DOCK9: variants seen among roughly 807,000 people sequenced by gnomAD.
DOCK9 encodes the protein dedicator of cytokinesis 9.
Under a neutral mutation model 263.3 loss-of-function variants are expected in DOCK9, and 89 were observed. That is an observed-to-expected ratio of 0.34 (90% CI 0.28 to 0.40). DOCK9 has a LOEUF of 0.40. DOCK9 is among the 10% of genes least tolerant of loss of function. The pLI is 1.00. For missense variants in DOCK9, 2,140 were observed against 2,603.4 expected, an observed-to-expected ratio of 0.82 and a Z score of 3.87; for synonymous variants, 976 against 973.1, an observed-to-expected ratio of 1.00 and a Z score of -0.06.
intron 27 of DOCK9, among the ~76,000 whole-genome samples, chr13:98,876,127 T>A (rs2043803737): frequency 6.6e-6 from 1 of 152,156 alleles, no homozygotes; most frequent in Admixed American, 6.5e-5. Flanking sequence ...GAAAGCACTA[T>A]CTGGCTGTTA....
Position 98,860,410 on chromosome 13 carries a change from C to A in DOCK9, c.3692G>T (p.Gly1231Val). ...ACAAGAGCATGGAGCGTTACCAATGCCGGAGATGGCGCCCAGCAGGTCCTT... is the reference window on the plus strand; with the variant it reads ...ACAAGAGCATGGAGCGTTACCAATGACGGAGATGGCGCCCAGCAGGTCCTT... Reference protein sequence around the residue: ...LHKDLLGAISGIASPYTTSTP... With the variant: ...LHKDLLGAISVIASPYTTSTP... The change falls in exon 33 of 53, where the codon GGC (glycine) becomes GTC (valine). Residue 1231 changes from glycine to valine, a missense_variant. Gly to Val is a moderately radical substitution (Grantham distance 109, BLOSUM62 -3). This residue lies in a region of DOCK9 where 1,521 missense variants were observed against 1,741.7 expected (regional missense o/e 0.87). Transcript: ENST00000682017. 1 of 1,584,122 alleles carries A rather than the reference C, an allele frequency of 6.3e-7. No homozygotes were observed. The highest frequency in any genetic ancestry group is 8.6e-7 in the Non-Finnish European group (1 of 1,163,792).
chr13:98,883,009 T>C (rs764443435), intron 23 of DOCK9, 33 bp downstream of exon 23: 3 of 1,587,414 alleles, frequency 1.9e-6, no homozygotes, highest in Non-Finnish European at 2.6e-6. Flanking sequence ...CCAAACTCAC[T>C]TAAAAGGGGA....
intron 33 of DOCK9, chr13:98,859,517 TAA>T (rs1218757026): frequency 6.6e-6 from 1 of 152,056 alleles, no homozygotes; most frequent in Non-Finnish European, 1.5e-5. Flanking sequence ...CCGGCAAAGG[TAA>T]AGACATAATC....
chr13:99,026,845 T>C (rs1469823230), intron 1 of DOCK9, among the ~76,000 whole-genome samples: 1 of 152,138 alleles, frequency 6.6e-6, no homozygotes, highest in African/African-American at 2.4e-5. Flanking sequence ...GAGATTTAAA[T>C]TTTAAATGTA....
Position 98,990,322 on chromosome 13 carries a change from A to C in DOCK9, c.130-34771T>G, listed in dbSNP as rs555309844. On this transcript the variant is annotated intron_variant, in intron 1 of 32. Transcript: ENST00000427887. ...CTTAATGTACTATTATTTTCCTTTT[A>C]AACAGAATCTGTTACTCAGACACTG... is the stretch of plus-strand genomic sequence containing the variant. Among the ~76,000 whole-genome samples the C allele has an allele frequency of 5.3e-4, 81 of 152,342 alleles. 1 individual carries two copies. Among genetic ancestry groups the C allele is most frequent in the African/African-American group, 1.7e-3 (71 of 41,580 alleles).
chr13:99,039,860 C>G lies in DOCK9; in HGVS notation c.129+46363G>C, dbSNP rs563826745. On this transcript the variant is annotated intron_variant, in intron 1 of 32. Coordinates refer to the DOCK9 transcript ENST00000427887. ...GTGGACAGCCCTGATTTGAGGAGTT[C>G]CAGCTCCACTTCTTACTGGCATGTA... Among the ~76,000 whole-genome samples, 4 of 152,290 alleles carry G rather than the reference C, an allele frequency of 2.6e-5. No individual in the cohort carries two copies. In the East Asian group the frequency reaches 7.7e-4, roughly 29 times the overall value.
rs552883212 is a variant in DOCK9, at chr13:98,984,157, CAAG to C, written c.130-28609_130-28607del. Among the ~76,000 whole-genome samples the C allele has an allele frequency of 3.5e-4, 53 of 152,268 alleles. 1 individual carries two copies. The highest frequency in any genetic ancestry group is 4.6e-4 in the Admixed American group (7 of 15,300). ...ATTGGAAGGTCCTTCACTCATAGAA[CAAG>C]GAGACCGAGGCCTGGAGTGAGGAGC... On this transcript the variant is annotated intron_variant, in intron 1 of 32. Transcript: ENST00000427887.
intron 21 of DOCK9, 151 bp downstream of exon 21, chr13:98,884,820 T>C (rs898109572): frequency 1.5e-5 from 15 of 1,000,774 alleles, no homozygotes; most frequent in African/African-American, 4.9e-5. Context: ...CTGTCTTCAA[T>C]TGGCCAAAGT....
exon 1 of DOCK9, chr13:99,086,323 G>A (rs754559297): frequency 5.4e-6 from 8 of 1,472,266 alleles, no homozygotes; most frequent in East Asian, 3.0e-5. Context: ...AGTCTCCGCC[G>A]AGGCGGGGAG....
At chr13:98,887,143 A>ATATATATATATATATATATTT (rs1470080750) in intron 18 of DOCK9, among the ~76,000 whole-genome samples, 1 of 95,290 alleles carries the variant, frequency 1.0e-5, no homozygotes, top group Non-Finnish European at 2.0e-5. Context: ...ATATATATAT[A>ATATATATATATATATATATTT]TTTTTTTTTT....
At position 98,921,110 on chromosome 13, in the gene DOCK9, A is replaced by T. The variant is rs371491769; in HGVS notation, c.583-22T>A. ...ATGACTGAGAGAAAAATATACACAC[A>T]GCTATTCTTTCAAAATGAAGAGGGT... On this transcript the variant is annotated intron_variant, in intron 6 of 52. Coordinates refer to ENST00000682017, the MANE Select transcript of DOCK9 (RefSeq NM_001366683.2). 3.8e-6 allele frequency: 6 copies of T among 1,582,464 alleles called. No homozygotes were observed. In the African/African-American group the frequency reaches 8.1e-5, roughly 21 times the overall value.
At chr13:98,824,544 C>A in intron 44 of DOCK9, 40 bp from the exon 45 acceptor site, 1 of 1,583,576 alleles carries the variant, frequency 6.3e-7, no homozygotes. Flanking sequence ...AGTTAGGAAC[C>A]TGAACGTGGG....
At chr13:98,801,037 G>A (rs2090051902) in intron 49 of DOCK9, among the ~76,000 whole-genome samples, 1 of 152,202 alleles carries the variant, frequency 6.6e-6, no homozygotes, top group Non-Finnish European at 1.5e-5. Flanking sequence ...TTAGCACTTT[G>A]GGAGGCCAAG....
chr13:98,979,217 T>TAGCAGCAGCAGC (rs1426596979), upstream of DOCK9, among the ~76,000 whole-genome samples: 13 of 128,442 alleles, frequency 1.0e-4, no homozygotes, highest in African/African-American at 3.6e-4. Context: ...GTAGTAGTAG[T>TAGCAGCAGCAGC]AGTAGTAGTA....
intron 10 of DOCK9, 42 bp from the exon 11 acceptor site, chr13:98,903,154 A>G (rs1209950404): frequency 3.5e-6 from 5 of 1,423,090 alleles, no homozygotes; most frequent in Non-Finnish European, 3.7e-6. Context: ...TTATGCTCTT[A>G]TTTTAAAAAA....
Position 98,797,500 on chromosome 13 carries a change from A to T in DOCK9, c.5917-11T>A. On this transcript the variant is annotated splice_polypyrimidine_tract_variant and intron_variant, in intron 50 of 52. Transcript: ENST00000682017. ...TGGGCCAGCATTGACCTAGACAAAGAGCAAAGATTTTCAGTTCCACTAGGA... is the reference window on the plus strand; with the variant it reads ...TGGGCCAGCATTGACCTAGACAAAGTGCAAAGATTTTCAGTTCCACTAGGA... 6.2e-7 allele frequency: 1 copy of T among 1,602,068 alleles called. No homozygotes were observed. Among genetic ancestry groups the T allele is most frequent in the Non-Finnish European group, 8.5e-7 (1 of 1,173,128 alleles).
chr13:99,057,281 CA>C (rs2040970182), intron 1 of DOCK9, among the ~76,000 whole-genome samples: 1 of 152,120 alleles, frequency 6.6e-6, no homozygotes, highest in South Asian at 2.1e-4. Flanking sequence ...TCCTAGCATA[CA>C]GACAAGAAAA....
chr13:99,041,005 G>T (rs948545830), intron 1 of DOCK9, among the ~76,000 whole-genome samples: 5 of 152,254 alleles, frequency 3.3e-5, no homozygotes, highest in South Asian at 2.1e-4. Context: ...TTATCCAGAG[G>T]TGTCTAAGAG....
chr13:98,834,671 CATT>C (rs1183568899), intron 39 of DOCK9: 5 of 152,204 alleles, frequency 3.3e-5, no homozygotes, highest in African/African-American at 1.2e-4. Context: ...TAATAATAGA[CATT>C]AGAAAAACCA....
Sources: allele counts gnomAD v4.1 joint callset (sites outside exome capture counted in the v4.1 genomes callset), GRCh38; gene constraint gnomAD v4.1.1; regional missense constraint gnomAD v4.1.1; transcripts MANE v1.5; gene names NCBI Gene and HGNC (gene_info 2026-07-23, HGNC 2026-07-21).